EEF1G: variants seen among roughly 807,000 people sequenced by gnomAD.
EEF1G encodes the protein eukaryotic translation elongation factor 1 gamma, also known as elongation factor 1-gamma.
In EEF1G, 14 loss-of-function variants were observed where a neutral mutation model predicts 58.3. The ratio of observed to expected loss-of-function variants is 0.24; its 90% confidence interval spans 0.16 to 0.38. The LOEUF (loss-of-function observed/expected upper bound fraction) is 0.38. EEF1G is among the 10% of genes least tolerant of loss of function. The pLI is 1.00. For synonymous variants in EEF1G, 180 were observed against 206.8 expected (o/e 0.87, Z 1.11); for missense variants, 322 against 550.1 (o/e 0.59, Z 4.15).
chr11:62,570,814 C>A (rs1941618382), intron 5 of EEF1G, 151 bp downstream of exon 5: 3 of 1,066,990 alleles, frequency 2.8e-6, no homozygotes, highest in Non-Finnish European at 4.2e-6. Flanking sequence ...CCTCGGCCCC[C>A]CAGTGTGCTC....
rs1236547202 is a variant in EEF1G, at chr11:62,569,484, T to C, written c.522+1481A>G. On this transcript the variant is annotated intron_variant, in intron 5 of 9. Coordinates refer to ENST00000329251, the MANE Select transcript of EEF1G (RefSeq NM_001404.5). ...GCAAGACTCTGTCAAAATAAATACA[T>C]AAATAAATAAATAATGGACAGTCCT... Among the ~76,000 whole-genome samples, 3 of 152,024 alleles carry C rather than the reference T, an allele frequency of 2.0e-5. No homozygotes were observed. The East Asian group carries it at 5.8e-4, about 29-fold the overall frequency.
Position 62,571,100 on chromosome 11 carries a change from C to A in EEF1G, c.387G>T (p.Glu129Asp), listed in dbSNP as rs199942278. 1.8e-4 allele frequency: 296 copies of A among 1,613,848 alleles called. 1 individual carries two copies. The highest frequency in any genetic ancestry group is 2.4e-4 in the Non-Finnish European group (284 of 1,179,898). ...TTCGCCTCACTTCCTCCTTTGCATTCTCAGTGGCCTAGTGATTCAACATGA... is the reference window on the plus strand; with the variant it reads ...TTCGCCTCACTTCCTCCTTTGCATTATCAGTGGCCTAGTGATTCAACATGA... ...GIMHHNKQATENAKEEVRRIL... is the reference protein window; with the variant it reads ...GIMHHNKQATDNAKEEVRRIL... The change falls in exon 5 of 10, where the codon GAG (glutamate) becomes GAT (aspartate). Residue 129 changes from glutamate to aspartate, a missense_variant. Transcript: ENST00000329251.
At chr11:62,567,339 G>A in intron 6 of EEF1G, 60 bp downstream of exon 6, 1 of 1,536,992 alleles carries the variant, frequency 6.5e-7, no homozygotes, top group Non-Finnish European at 8.7e-7. Flanking sequence ...TCAAGGGGTT[G>A]ATGCAGAGCA....
At chr11:62,563,433 G>C (rs548751641) in intron 7 of EEF1G, among the ~76,000 whole-genome samples, 38 of 152,262 alleles carry the variant, frequency 2.5e-4, no homozygotes, top group African/African-American at 8.9e-4. Context: ...ACCGCGCCCA[G>C]CCTAAAACAA....
In EEF1G at chr11:62,566,921, G is replaced by A. The variant is rs371308314; in HGVS notation, c.742C>T (p.Arg248Trp). 1.5e-5 allele frequency: 24 copies of A among 1,613,870 alleles called. No individual in the cohort carries two copies. The highest frequency in any genetic ancestry group is 3.3e-5 in the Admixed American group (2 of 60,002). ...REEKQKPQAE[R>W]KEEKKAAAPA... ...GCAGCCGCCTTTTTCTCCTCCTTCCGCTCAGCCTGGGGCTTCTGCTTCTCT... is the reference window on the plus strand; with the variant it reads ...GCAGCCGCCTTTTTCTCCTCCTTCCACTCAGCCTGGGGCTTCTGCTTCTCT... Residue 248 changes from arginine to tryptophan, a missense_variant, in exon 7 of 10, where the codon CGG (arginine) becomes TGG (tryptophan). Arg to Trp is a moderately radical substitution (Grantham distance 101). Transcript: ENST00000329251.
intron 7 of EEF1G, among the ~76,000 whole-genome samples, chr11:62,561,474 A>C (rs1221442352): frequency 6.7e-6 from 1 of 149,382 alleles, no homozygotes; most frequent in Non-Finnish European, 1.5e-5. Context: ...AGAGATCAAG[A>C]CCATCCTGGC....
chr11:62,566,943 C>T lies in EEF1G; in HGVS notation c.720G>A (p.Glu240=), dbSNP rs1010231736. The change falls in exon 7 of 10, where the codon GAG becomes GAA. Residue 240 remains glutamate (E), a synonymous_variant. Transcript: ENST00000329251. ...TPRKEKGSRE[E]KQKPQAERKE... ...TCCGCTCAGCCTGGGGCTTCTGCTTCTCTTCCCGTGAACCCTTCTCTTTCC... is the reference window on the plus strand; with the variant it reads ...TCCGCTCAGCCTGGGGCTTCTGCTTTTCTTCCCGTGAACCCTTCTCTTTCC... 1 of 1,614,068 alleles carries T rather than the reference C, an allele frequency of 6.2e-7. No individual in the cohort carries two copies. Among genetic ancestry groups the T allele is most frequent in the Non-Finnish European group, 8.5e-7 (1 of 1,179,908 alleles).
intron 7 of EEF1G, among the ~76,000 whole-genome samples, chr11:62,561,682 C>CAAAAAAAAAAAAAAAAAAAAAAA (rs58957254): frequency 1.6e-5 from 2 of 124,608 alleles, no homozygotes; most frequent in Non-Finnish European, 3.3e-5. Flanking sequence ...AAAAAAAAAA[C>CAAAAAAAAAAAAAAAAAAAAAAA]AAAAAAAAAA....
rs369237613 is a variant in EEF1G at position 62,571,303 on chromosome 11, AC to A, written c.379-196del. 2.9e-3 allele frequency among the ~76,000 whole-genome samples: 437 copies of A among 152,020 alleles called. 4 individuals are homozygous for A. The highest frequency in any genetic ancestry group is 9.8e-3 in the African/African-American group (408 of 41,446). ...ACTTCAGAGGTCCTCTGGTCCAGCC[AC>A]CCCCTTACCATTTGGTATAATCTCT... On this transcript the variant is annotated intron_variant, in intron 4 of 9. Transcript: ENST00000329251.
intron 7 of EEF1G, among the ~76,000 whole-genome samples, chr11:62,561,225 G>C (rs1288108014): frequency 3.9e-5 from 6 of 152,068 alleles, no homozygotes; most frequent in Non-Finnish European, 8.8e-5. Context: ...GACCAACAAG[G>C]TGAAACCCCG....
chr11:62,563,124 C>CT (rs200499410), intron 7 of EEF1G, among the ~76,000 whole-genome samples: 42 of 147,264 alleles, frequency 2.9e-4, no homozygotes, highest in Admixed American at 4.1e-4. Context: ...CAAAACAATC[C>CT]TTTTTTTTTT....
In EEF1G at chr11:62,572,716, C is replaced by G; in HGVS notation, c.39G>C (p.Trp13Cys). 1 of 1,613,548 alleles carries G rather than the reference C, an allele frequency of 6.2e-7. No individual in the cohort carries two copies. Among genetic ancestry groups the G allele is most frequent in the South Asian group, 1.1e-5 (1 of 91,066 alleles). ...AGTLYTYPEN[W>C]RAFKALIAAQ... ...CAGCGATGAGAGCCTTGAAGGCCCT[C>G]CAGTTTTCAGGATACGTGTACAGGG... is the stretch of plus-strand genomic sequence containing the variant. Residue 13 changes from tryptophan to cysteine, a missense_variant, in exon 2 of 10, where the codon TGG becomes TGC. Physicochemically the swap from Trp to Cys is radical, Grantham distance 215 (BLOSUM62 -2). Transcript: ENST00000329251.
chr11:62,571,733 G>C (rs1474982628), intron 3 of EEF1G, 51 bp from the exon 4 acceptor site: 7 of 1,570,454 alleles, frequency 4.5e-6, no homozygotes, highest in African/African-American at 1.4e-5. Context: ...GCCAACACCA[G>C]TCCAGGTCCT....
intron 7 of EEF1G, among the ~76,000 whole-genome samples, chr11:62,564,204 T>C (rs1590707812): frequency 6.6e-6 from 1 of 152,268 alleles, no homozygotes; most frequent in Non-Finnish European, 1.5e-5. Flanking sequence ...GGCTCACGCC[T>C]GTAATCCCAG....
intron 7 of EEF1G, among the ~76,000 whole-genome samples, chr11:62,564,570 GC>G (rs1457202376): frequency 1.3e-5 from 2 of 149,990 alleles, no homozygotes; most frequent in Non-Finnish European, 3.0e-5. Context: ...AGACCAGCCT[GC>G]CCAGCATGGT....
At position 62,571,026 on chromosome 11, in the gene EEF1G, C is replaced by T. The variant is rs759950976; in HGVS notation, c.461G>A (p.Gly154Asp). The part of the protein sequence containing the change: ...AYLKTRTFLV[G>D]ERVTLADITV... ...GATGTCAGCCAATGTCACTCGTTCG[C>T]CCACCAGAAAAGTCCTCGTCTTCAA... Residue 154 changes from glycine to aspartate, a missense_variant, in exon 5 of 10, where the codon GGC becomes GAC. This residue lies in a region of EEF1G where 52 missense variants were observed against 139.4 expected (regional missense o/e 0.37). Coordinates refer to ENST00000329251, the MANE Select transcript of EEF1G (RefSeq NM_001404.5). 6.2e-6 allele frequency: 10 copies of T among 1,613,958 alleles called. No individual in the cohort carries two copies. The Admixed American group carries it at 1.5e-4, about 24-fold the overall frequency.
intron 5 of EEF1G, among the ~76,000 whole-genome samples, chr11:62,568,849 C>T (rs1239521438): frequency 4.6e-5 from 7 of 151,712 alleles, no homozygotes; most frequent in Admixed American, 1.3e-4. Context: ...TGCACATGCC[C>T]GTAATCCCAG....
At chr11:62,571,315 T>C (rs1204830118) in intron 4 of EEF1G, among the ~76,000 whole-genome samples, 2 of 152,140 alleles carry the variant, frequency 1.3e-5, no homozygotes, top group Admixed American at 6.6e-5. Context: ...CCCCTTACCA[T>C]TTGGTATAAT....
At chr11:62,570,889 G>T (rs1941619857) in intron 5 of EEF1G, 76 bp downstream of exon 5, 2 of 1,594,064 alleles carry the variant, frequency 1.3e-6, no homozygotes, top group Middle Eastern at 1.7e-4. Context: ...CAGAATACAG[G>T]GTAACCTAGA....
Sources: allele counts gnomAD v4.1 joint callset (sites outside exome capture counted in the v4.1 genomes callset), GRCh38; gene constraint gnomAD v4.1.1; regional missense constraint gnomAD v4.1.1; transcripts MANE v1.5; gene names NCBI Gene and HGNC (gene_info 2026-07-23, HGNC 2026-07-21).